The following TRAPPC12 variants were observed in gnomAD, a reference collection of about 807,000 sequenced individuals.
TRAPPC12 encodes the protein trafficking protein particle complex subunit 12.
TRAPPC12 carries 61 observed loss-of-function variants against 69.2 expected under a neutral mutation model. The ratio of observed to expected loss-of-function variants is 0.88; its 90% CI spans 0.72 to 1.09. The LOEUF (loss-of-function observed/expected upper bound fraction) is 1.09. Among genes scored for constraint, TRAPPC12 ranks in the 50% least tolerant of loss-of-function variants. TRAPPC12 has a pLI of 0.00. For missense variants in TRAPPC12, 1,101 were observed against 1,016.4 expected (o/e 1.08, Z -1.13); for synonymous variants, 469 against 438.9 (o/e 1.07, Z -0.86).
At chr2:3,457,721 A>G (rs1015036102) in intron 7 of TRAPPC12, 28 bp downstream of exon 7, 1 of 1,606,558 alleles carries the variant, frequency 6.2e-7, no homozygotes, top group South Asian at 1.1e-5. Context: ...TGCTGACTAG[A>G]TGCTTCTCGG....
Position 3,388,627 on chromosome 2 carries a change from A to G in TRAPPC12, c.1004A>G (p.Lys335Arg). The G allele has an allele frequency of 1.3e-6, 2 of 1,591,714 alleles. No individual in the cohort carries two copies. Among genetic ancestry groups the G allele is most frequent in the Non-Finnish European group, 8.6e-7 (1 of 1,167,368 alleles). ...CAGCGCGGCGCCGTGTTCGTGGACA[A>G]GGAGAACCTCACCATGCCGGGCCTC... is the stretch of plus-strand genomic sequence containing the variant. ...TQQRGAVFVD[K>R]ENLTMPGLRF... is the part of the protein sequence containing the mutation. Residue 335 changes from lysine to arginine, a missense_variant, in exon 2 of 12, where the codon AAG becomes AGG. Coordinates refer to ENST00000324266, the MANE Select transcript of TRAPPC12 (RefSeq NM_016030.6).
intron 6 of TRAPPC12, among the ~76,000 whole-genome samples, chr2:3,444,411 T>C (rs1482692309): frequency 1.3e-5 from 2 of 152,270 alleles, no homozygotes; most frequent in East Asian, 3.8e-4. Context: ...TCACAGTTAA[T>C]GTGGGAGCCA....
At chr2:3,472,397 A>C (rs1451479691) in intron 9 of TRAPPC12, 1 of 152,234 alleles carries the variant, frequency 6.6e-6, no homozygotes, top group Non-Finnish European at 1.5e-5. Context: ...ATCTGAAGAC[A>C]TGCAGGTTCC....
intron 8 of TRAPPC12, among the ~76,000 whole-genome samples, chr2:3,464,265 ACCGAGG>A (rs1165708434): frequency 6.6e-6 from 1 of 152,200 alleles, no homozygotes. Flanking sequence ...GGGAAAGGAG[ACCGAGG>A]CATGTGCTGT....
At chr2:3,427,676 A>G (rs1409995050) in intron 5 of TRAPPC12, among the ~76,000 whole-genome samples, 1 of 152,142 alleles carries the variant, frequency 6.6e-6, no homozygotes, top group Non-Finnish European at 1.5e-5. Context: ...AGATCTCTTG[A>G]GGCCAGAAGT....
At chr2:3,431,237 C>T (rs988137699) in intron 5 of TRAPPC12, among the ~76,000 whole-genome samples, 3 of 152,210 alleles carry the variant, frequency 2.0e-5, no homozygotes, top group Admixed American at 6.5e-5. Context: ...TGAGTGCTCC[C>T]GGGATCTCAT....
chr2:3,479,565 A>C lies in TRAPPC12; in HGVS notation c.*104A>C, dbSNP rs1666458005. ...AGGAACTCAATAAAACTCCTGCTTC[A>C]CTGGTGTCTGCTGCGTGTCTTCTTG... On this transcript the variant is annotated 3_prime_UTR_variant, in exon 12 of 12. Transcript: ENST00000324266. 7.0e-7 allele frequency: 1 copy of C among 1,426,618 alleles called. No homozygotes were observed. Among genetic ancestry groups the C allele is most frequent in the Middle Eastern group, 2.0e-4 (1 of 4,966 alleles). 88.4% of individuals were successfully genotyped at this position (1,426,618 alleles called of 1,614,324 possible). A position where few individuals can be genotyped will look rare whatever the true frequency, so the allele number is the denominator to read the frequency against.
intron 5 of TRAPPC12, among the ~76,000 whole-genome samples, chr2:3,428,995 C>G (rs1663277325): frequency 1.3e-5 from 2 of 152,206 alleles, no homozygotes; most frequent in Non-Finnish European, 2.9e-5. Flanking sequence ...ACATCCATCC[C>G]TAGAACCCAG....
intron 6 of TRAPPC12, among the ~76,000 whole-genome samples, chr2:3,444,563 A>G (rs1018707948): frequency 4.6e-5 from 7 of 152,240 alleles, no homozygotes; most frequent in Admixed American, 3.3e-4. Flanking sequence ...GTGTTCCTGT[A>G]TAGGTTCAGT....
At chr2:3,408,956 G>A (rs962188611) in intron 3 of TRAPPC12, among the ~76,000 whole-genome samples, 4 of 152,162 alleles carry the variant, frequency 2.6e-5, no homozygotes, top group African/African-American at 7.2e-5. Flanking sequence ...TGCCCTGCGC[G>A]GCCCGCTGCG....
At position 3,477,642 on chromosome 2, in the gene TRAPPC12, A is replaced by G. The variant is rs577742768; in HGVS notation, c.1777-53A>G. On this transcript the variant is annotated intron_variant, in intron 9 of 11. Coordinates refer to ENST00000324266, the MANE Select transcript of TRAPPC12 (RefSeq NM_016030.6). ...ATATTAGGGAACTAAATATATGAGT[A>G]TAGACTTAATATTTCTTTTGTCAAC... 4 of 1,118,788 alleles carry G rather than the reference A, an allele frequency of 3.6e-6. No individual in the cohort carries two copies. The African/African-American group carries it at 6.3e-5, about 18-fold the overall frequency. 69.3% of individuals were successfully genotyped at this position (1,118,788 alleles called of 1,614,324 possible). A position where few individuals can be genotyped will look rare whatever the true frequency, so the allele number is the denominator to read the frequency against.
chr2:3,411,836 C>T (rs1662080647), intron 3 of TRAPPC12, among the ~76,000 whole-genome samples: 1 of 152,212 alleles, frequency 6.6e-6, no homozygotes, highest in African/African-American at 2.4e-5. Flanking sequence ...AAATACTCCC[C>T]ATTGTCGTTC....
chr2:3,383,917 T>C, intron 1 of TRAPPC12, among the ~76,000 whole-genome samples: 1 of 108,106 alleles, frequency 9.3e-6, no homozygotes, highest in Non-Finnish European at 1.7e-5. Flanking sequence ...TTTTTTGAGA[T>C]GAAGTTTCGC....
intron 1 of TRAPPC12, among the ~76,000 whole-genome samples, chr2:3,387,355 G>A (rs559008405): frequency 2.0e-5 from 3 of 152,096 alleles, no homozygotes; most frequent in Non-Finnish European, 4.4e-5. Context: ...ATGGGTATAC[G>A]GGGGAATGTT....
intron 9 of TRAPPC12, among the ~76,000 whole-genome samples, chr2:3,470,928 C>G (rs10210534): frequency 0.052 from 7,966 of 152,230 alleles, 688 homozygotes; most frequent in African/African-American, 0.18. Context: ...CAGCAAGGTT[C>G]TAGATGATTC....
chr2:3,423,206 A>G (rs1004431657), intron 4 of TRAPPC12, among the ~76,000 whole-genome samples: 1 of 152,218 alleles, frequency 6.6e-6, no homozygotes, highest in Non-Finnish European at 1.5e-5. Context: ...CCCATTGGCT[A>G]CCATGTGAAA....
At chr2:3,470,688 C>G (rs889679209) in intron 9 of TRAPPC12, among the ~76,000 whole-genome samples, 12 of 152,194 alleles carry the variant, frequency 7.9e-5, no homozygotes, top group African/African-American at 2.9e-4. Flanking sequence ...GAGAAAGATA[C>G]ATACAGCCAC....
At chr2:3,411,372 G>A (rs1662048117) in intron 3 of TRAPPC12, among the ~76,000 whole-genome samples, 1 of 152,230 alleles carries the variant, frequency 6.6e-6, no homozygotes, top group Non-Finnish European at 1.5e-5. Context: ...GTCTGCATGA[G>A]TGCTGATCCA....
intron 9 of TRAPPC12, among the ~76,000 whole-genome samples, chr2:3,472,978 C>A (rs1666129073): frequency 6.6e-6 from 1 of 152,180 alleles, no homozygotes; most frequent in African/African-American, 2.4e-5. Flanking sequence ...GGTAGGATCT[C>A]CAGGTGCTAA....
Sources: allele counts gnomAD v4.1 joint callset (sites outside exome capture counted in the v4.1 genomes callset), GRCh38; gene constraint gnomAD v4.1.1; transcripts MANE v1.5; gene names NCBI Gene and HGNC (gene_info 2026-07-23, HGNC 2026-07-21).